Variants in VOPP1 observed in about 807,000 individuals in gnomAD.
The protein encoded by VOPP1 is WW domain binding protein VOPP1.
In VOPP1, 8 loss-of-function variants were observed where a neutral mutation model predicts 23.5. That is an observed-to-expected ratio of 0.34 (90% CI 0.20 to 0.61). The LOEUF (loss-of-function observed/expected upper bound fraction) is 0.61, where lower values mean the gene tolerates loss of function less well. Ranked by LOEUF, VOPP1 falls within the 20% of genes least tolerant of loss-of-function variation. The pLI is 0.78. For synonymous variants in VOPP1, 83 were observed against 97.3 expected (o/e 0.85, Z 0.86); for missense variants, 174 against 238.1 (o/e 0.73, Z 1.77).
intron 1 of VOPP1, among the ~76,000 whole-genome samples, chr7:55,531,905 A>G (rs1171267284): frequency 6.6e-6 from 1 of 152,164 alleles, no homozygotes; most frequent in African/African-American, 2.4e-5. Context: ...CCAAAACTCA[A>G]CCACCACACT....
At chr7:55,554,576 T>C (rs1484941722) in intron 1 of VOPP1, among the ~76,000 whole-genome samples, 2 of 152,166 alleles carry the variant, frequency 1.3e-5, no homozygotes, top group African/African-American at 4.8e-5. Flanking sequence ...ATTGCAGAAC[T>C]TGGGTTGCCG....
At chr7:55,438,444 G>A (rs974915494) in intron 4 of VOPP1, among the ~76,000 whole-genome samples, 1 of 152,120 alleles carries the variant, frequency 6.6e-6, no homozygotes, top group African/African-American at 2.4e-5. Flanking sequence ...ACAGAAAAAG[G>A]ATAAAGCAAG....
intron 4 of VOPP1, among the ~76,000 whole-genome samples, chr7:55,492,009 G>A (rs1190990505): frequency 6.6e-6 from 1 of 152,204 alleles, no homozygotes; most frequent in Non-Finnish European, 1.5e-5. Flanking sequence ...GAAAAGGGCA[G>A]AGAGCAAATA....
intron 4 of VOPP1, among the ~76,000 whole-genome samples, chr7:55,477,227 T>C (rs182054979): frequency 6.6e-6 from 1 of 152,312 alleles, no homozygotes; most frequent in East Asian, 1.9e-4. Flanking sequence ...AGCAGTTGCC[T>C]AGTATGGTAT....
chr7:55,525,064 A>T (rs1796089336), intron 1 of VOPP1, among the ~76,000 whole-genome samples: 1 of 152,160 alleles, frequency 6.6e-6, no homozygotes. Flanking sequence ...TGGAAGCACC[A>T]GAGTCGACGG....
intron 1 of VOPP1, among the ~76,000 whole-genome samples, chr7:55,556,057 T>G (rs566070680): frequency 6.6e-6 from 1 of 152,212 alleles, no homozygotes; most frequent in Non-Finnish European, 1.5e-5. Context: ...CTCTGCTGCT[T>G]ACCTATGAGG....
At chr7:55,545,336 A>G (rs75763717) in intron 1 of VOPP1, among the ~76,000 whole-genome samples, 1,669 of 152,314 alleles carry the variant, frequency 0.011, 11 homozygotes, top group Middle Eastern at 0.02. Flanking sequence ...CATCCCACTG[A>G]GTCACTGAAG....
At chr7:55,525,379 CTCAGGAGACTGAG>C (rs1163689417) in intron 1 of VOPP1, among the ~76,000 whole-genome samples, 2 of 151,886 alleles carry the variant, frequency 1.3e-5, no homozygotes, top group East Asian at 3.9e-4. Context: ...GTCCCAGCTA[CTCAGGAGACTGAG>C]TCAGGAGAAT....
At chr7:55,443,408 G>T (rs1405364939) in intron 4 of VOPP1, among the ~76,000 whole-genome samples, 2 of 151,706 alleles carry the variant, frequency 1.3e-5, no homozygotes, top group Admixed American at 1.3e-4. Flanking sequence ...CAAAAAATAA[G>T]CCAGGCGTGG....
intron 1 of VOPP1, chr7:55,561,869 G>C (rs1284077683): frequency 7.2e-6 from 5 of 689,976 alleles, no homozygotes; most frequent in Admixed American, 2.0e-5. Context: ...TGGACAATGA[G>C]AGTAGCCTTC....
At chr7:55,482,255 G>A (rs997566496) in intron 4 of VOPP1, among the ~76,000 whole-genome samples, 6 of 151,672 alleles carry the variant, frequency 4.0e-5, no homozygotes, top group South Asian at 2.1e-4. Context: ...ACTGTATAAC[G>A]CTGTACATTT....
At chr7:55,486,003 C>T (rs1165749366) in intron 4 of VOPP1, among the ~76,000 whole-genome samples, 1 of 152,216 alleles carries the variant, frequency 6.6e-6, no homozygotes, top group African/African-American at 2.4e-5. Context: ...CCAGAGCTTG[C>T]GTGAGCAAAT....
chr7:55,507,183 A>C (rs192760040), intron 2 of VOPP1, among the ~76,000 whole-genome samples: 23 of 152,328 alleles, frequency 1.5e-4, no homozygotes, highest in African/African-American at 5.5e-4. Flanking sequence ...TGCTGTGGAA[A>C]GTAGTGGCTC....
intron 1 of VOPP1, among the ~76,000 whole-genome samples, chr7:55,570,808 G>A (rs557819104): frequency 1.3e-5 from 2 of 152,066 alleles, no homozygotes; most frequent in African/African-American, 4.8e-5. Context: ...CGGGCATAGT[G>A]GTGGGCGCCT....
At chr7:55,465,174 C>T (rs1044255326) in intron 4 of VOPP1, among the ~76,000 whole-genome samples, 1 of 152,178 alleles carries the variant, frequency 6.6e-6, no homozygotes, top group Non-Finnish European at 1.5e-5. Flanking sequence ...TGCAGAAGTG[C>T]CAGGTGTCGC....
downstream of VOPP1, among the ~76,000 whole-genome samples, chr7:55,466,011 T>A (rs1185886286): frequency 6.6e-6 from 1 of 152,146 alleles, no homozygotes; most frequent in Admixed American, 6.5e-5. Flanking sequence ...AATGAAGTCA[T>A]GAGGGGGAGG....
At chr7:55,457,072 C>T (rs576974090) in intron 4 of VOPP1, among the ~76,000 whole-genome samples, 8 of 152,146 alleles carry the variant, frequency 5.3e-5, no homozygotes, top group East Asian at 1.9e-4. Context: ...AACCTCTCTT[C>T]GTGACACCGT....
chr7:55,463,413 A>G (rs200058465), intron 4 of VOPP1, among the ~76,000 whole-genome samples: 1 of 152,012 alleles, frequency 6.6e-6, no homozygotes, highest in East Asian at 1.9e-4. Flanking sequence ...TTTCAATTTT[A>G]TGGATTGGCT....
chr7:55,567,585 A>G (rs1304049730), intron 1 of VOPP1, among the ~76,000 whole-genome samples: 3 of 152,298 alleles, frequency 2.0e-5, no homozygotes, highest in Middle Eastern at 3.4e-3. Context: ...AGCTGTGCCC[A>G]AAGTAAAAGA....
Sources: gnomAD v4.1 joint callset for allele counts (sites outside exome capture counted in the v4.1 genomes callset) on GRCh38, gnomAD v4.1.1 for gene constraint, MANE v1.5 for transcripts, NCBI Gene and HGNC (gene_info 2026-07-23, HGNC 2026-07-21) for gene names.